ADCY8: variants seen among roughly 807,000 people sequenced by gnomAD.
The protein encoded by ADCY8 is adenylate cyclase 8.
A neutral mutation model predicts 119.7 loss-of-function variants in ADCY8; 51 were observed. That is an observed-to-expected ratio of 0.43 (90% CI 0.34 to 0.54). The LOEUF is 0.54. ADCY8 is among the 20% of genes least tolerant of loss of function. ADCY8 has a pLI of 0.03. For missense variants in ADCY8, 1,383 were observed against 1,598.8 expected (o/e 0.87, Z 2.30); for synonymous variants, 665 against 651.0 (o/e 1.02, Z -0.33).
chr8:130,964,002 AT>A (rs1821686220), intron 2 of ADCY8, among the ~76,000 whole-genome samples: 1 of 152,234 alleles, frequency 6.6e-6, no homozygotes, highest in Non-Finnish European at 1.5e-5. Flanking sequence ...TGGGTCATAC[AT>A]TCCTTTGATC....
intron 17 of ADCY8, among the ~76,000 whole-genome samples, chr8:130,782,779 G>T (rs748748286): frequency 3.9e-5 from 6 of 152,216 alleles, no homozygotes; most frequent in Non-Finnish European, 8.8e-5. Context: ...GCATTCCTTA[G>T]ATCTGACAAG....
chr8:130,799,050 C>A (rs966718316), intron 15 of ADCY8, among the ~76,000 whole-genome samples: 1 of 152,062 alleles, frequency 6.6e-6, no homozygotes, highest in Non-Finnish European at 1.5e-5. Flanking sequence ...AAAACAAGTA[C>A]ATATGACATC....
intron 1 of ADCY8, among the ~76,000 whole-genome samples, chr8:131,022,945 T>G (rs116972196): frequency 6.0e-4 from 91 of 152,304 alleles, no homozygotes; most frequent in Non-Finnish European, 1.2e-3. Flanking sequence ...CCACTCAGCA[T>G]GTACAGGGTG....
At position 130,903,851 on chromosome 8, in the gene ADCY8, C is replaced by T. The variant is rs557075212; in HGVS notation, c.1832G>A (p.Arg611Gln). ...IVKESVSSSD[R>Q]RNSGATFTEG... ...AGTGAATGTGGCCCCACTGTTTCTC[C>T]GGTCTGAGGAGCTCACTGACTCCTT... The change falls in exon 7 of 18, where the codon CGG becomes CAG. Residue 611 changes from arginine to glutamine, a missense_variant. This residue lies in a region of ADCY8 where 928 missense variants were observed against 1,163.5 expected (regional missense o/e 0.80). Coordinates refer to ENST00000286355, the MANE Select transcript of ADCY8 (RefSeq NM_001115.3). 5.3e-5 allele frequency: 85 copies of T among 1,613,808 alleles called. No individual in the cohort carries two copies. The highest frequency in any genetic ancestry group is 3.3e-4 in the Middle Eastern group (2 of 6,022).
At chr8:130,875,208 T>C (rs1818516100) in intron 8 of ADCY8, among the ~76,000 whole-genome samples, 1 of 152,170 alleles carries the variant, frequency 6.6e-6, no homozygotes, top group Admixed American at 6.5e-5. Context: ...AGGAGTCTTA[T>C]AAGGCTACTG....
At chr8:130,928,825 G>A (rs931017713) in intron 5 of ADCY8, among the ~76,000 whole-genome samples, 1 of 152,112 alleles carries the variant, frequency 6.6e-6, no homozygotes, top group African/African-American at 2.4e-5. Flanking sequence ...GGTGGAAACA[G>A]TTTTCCCTCT....
chr8:131,004,492 T>G (rs1371053879), intron 1 of ADCY8, among the ~76,000 whole-genome samples: 1 of 152,208 alleles, frequency 6.6e-6, no homozygotes, highest in East Asian at 1.9e-4. Flanking sequence ...TCTTTTTTGA[T>G]CTCTCGACCT....
chr8:131,001,543 A>C (rs2130763091), intron 1 of ADCY8, among the ~76,000 whole-genome samples: 2 of 148,780 alleles, frequency 1.3e-5, no homozygotes, highest in Middle Eastern at 7.1e-3. Context: ...TATCTAATAT[A>C]TATACATACT....
intron 16 of ADCY8, among the ~76,000 whole-genome samples, chr8:130,784,566 T>C (rs1384814702): frequency 1.3e-5 from 2 of 152,210 alleles, no homozygotes; most frequent in African/African-American, 2.4e-5. Flanking sequence ...GTTGTGACAC[T>C]CAACATTGCC....
At chr8:130,876,291 T>A (rs1445541595) in intron 8 of ADCY8, among the ~76,000 whole-genome samples, 2 of 152,090 alleles carry the variant, frequency 1.3e-5, no homozygotes, top group Non-Finnish European at 2.9e-5. Flanking sequence ...CCTCAAGTGA[T>A]CCACCCGCCT....
In ADCY8 at chr8:130,798,708, A is replaced by G. The variant is rs140664859; in HGVS notation, c.3060+1718T>C. Among the ~76,000 whole-genome samples the G allele has an allele frequency of 2.2e-3, 337 of 152,300 alleles. 1 individual carries two copies. Among genetic ancestry groups the G allele is most frequent in the Admixed American group, 5.4e-3 (83 of 15,298 alleles). On this transcript the variant is annotated intron_variant, in intron 15 of 17. Coordinates refer to ENST00000286355, the MANE Select transcript of ADCY8 (RefSeq NM_001115.3). ...ACTGCAGTTGTCTAGGAGAGAAATA[A>G]TATGGTCTGAATCAAGGTAAAAGCA...
chr8:130,857,481 A>G (rs1274796186), intron 9 of ADCY8, among the ~76,000 whole-genome samples: 3 of 152,150 alleles, frequency 2.0e-5, no homozygotes, highest in East Asian at 1.9e-4. Context: ...TATTTATCGA[A>G]AAACACATGC....
At chr8:130,888,010 A>G (rs1187238893) in intron 7 of ADCY8, among the ~76,000 whole-genome samples, 1 of 152,142 alleles carries the variant, frequency 6.6e-6, no homozygotes, top group Non-Finnish European at 1.5e-5. Context: ...TAAGACTTAC[A>G]GCACCAGTGC....
chr8:130,935,895 T>C (rs1177188318), intron 5 of ADCY8, among the ~76,000 whole-genome samples: 1 of 152,240 alleles, frequency 6.6e-6, no homozygotes, highest in African/African-American at 2.4e-5. Flanking sequence ...AGAAACTCTC[T>C]ATTATACTGA....
chr8:130,816,425 T>C (rs889066101), intron 13 of ADCY8, among the ~76,000 whole-genome samples: 3 of 112,424 alleles, frequency 2.7e-5, no homozygotes, highest in South Asian at 6.8e-4. Context: ...TAATTTTTTT[T>C]TCTTTTTTTT....
At chr8:130,813,638 G>A (rs1119768) in intron 14 of ADCY8, among the ~76,000 whole-genome samples, 146,500 of 152,296 alleles carry the variant, frequency 0.96, 70,502 homozygotes, top group African/African-American at 0.99. Flanking sequence ...TCGTCCATCA[G>A]TGGACCCTTG....
At position 130,922,329 on chromosome 8, in the gene ADCY8, T is replaced by C. The variant is rs1820336241; in HGVS notation, c.1482-12463A>G. ...AGATAAACAAGTGAACAAAGGTCTCTGGTTTTCCTAGGCAGAGGACCCTGC... is the reference window on the plus strand; with the variant it reads ...AGATAAACAAGTGAACAAAGGTCTCCGGTTTTCCTAGGCAGAGGACCCTGC... On this transcript the variant is annotated intron_variant, in intron 5 of 17. Coordinates refer to ENST00000286355, the MANE Select transcript of ADCY8 (RefSeq NM_001115.3). 2.0e-5 allele frequency among the ~76,000 whole-genome samples: 3 copies of C among 151,136 alleles called. No individual in the cohort carries two copies. In the East Asian group the frequency reaches 5.8e-4, roughly 29 times the overall value.
intron 7 of ADCY8, among the ~76,000 whole-genome samples, chr8:130,900,780 G>T (rs531207591): frequency 6.6e-6 from 1 of 152,242 alleles, no homozygotes; most frequent in African/African-American, 2.4e-5. Flanking sequence ...CTCTTTCACT[G>T]CCATGTCTTC....
At chr8:130,928,966 C>G (rs1364389929) in intron 5 of ADCY8, among the ~76,000 whole-genome samples, 1 of 152,106 alleles carries the variant, frequency 6.6e-6, no homozygotes, top group East Asian at 1.9e-4. Flanking sequence ...AATCTCCTTA[C>G]TTGCTATTGG....
Sources: gnomAD v4.1 joint callset for allele counts (sites outside exome capture counted in the v4.1 genomes callset) on GRCh38, gnomAD v4.1.1 for gene constraint, gnomAD v4.1.1 regional missense constraint, MANE v1.5 for transcripts, NCBI Gene and HGNC (gene_info 2026-07-23, HGNC 2026-07-21) for gene names.